UBR2: variants seen among roughly 807,000 people sequenced by gnomAD.
UBR2 encodes ubiquitin protein ligase E3 component n-recognin 2.
In UBR2, 92 loss-of-function variants were observed where a neutral mutation model predicts 247.9. The observed-to-expected ratio is 0.37, with a 90% CI of 0.31 to 0.44. The LOEUF (loss-of-function observed/expected upper bound fraction) is 0.44. UBR2 is among the 20% of genes least tolerant of loss of function. The pLI, the probability that UBR2 is intolerant of heterozygous loss-of-function variation, is 1.00. For missense variants in UBR2, 1,613 were observed against 2,112.6 expected (o/e 0.76, Z 4.64); for synonymous variants, 672 against 693.5 (o/e 0.97, Z 0.49).
chr6:42,564,536 T>A, intron 1 of UBR2, 139 bp downstream of exon 1: 1 of 977,828 alleles, frequency 1.0e-6, no homozygotes. Context: ...TGTGGGGTAA[T>A]AGCCCGGGGA....
chr6:42,637,108 T>C lies in UBR2; in HGVS notation c.1772T>C (p.Ile591Thr), dbSNP rs778717950. The change falls in exon 15 of 47, where the codon ATT becomes ACT. Residue 591 changes from isoleucine to threonine, a missense_variant. Ile to Thr is a moderately conservative substitution (Grantham distance 89, BLOSUM62 -1). Transcript: ENST00000372901. ...TDGEQPITLS[I>T]CGHSVETIRY... Reference sequence around the variant, plus strand: ...GGTGAACAGCCAATCACACTAAGCATTTGTGGACATTCAGTGGAAACTATC... The same window carrying C: ...GGTGAACAGCCAATCACACTAAGCACTTGTGGACATTCAGTGGAAACTATC... 6.2e-7 allele frequency: 1 copy of C among 1,614,152 alleles called. No homozygotes were observed. Among genetic ancestry groups the C allele is most frequent in the Non-Finnish European group, 8.5e-7 (1 of 1,180,018 alleles).
At chr6:42,564,459 C>T in intron 1 of UBR2, 62 bp downstream of exon 1, 1 of 1,556,928 alleles carries the variant, frequency 6.4e-7, no homozygotes, top group Non-Finnish European at 8.7e-7. Context: ...TGGGGAGGAA[C>T]CGACTCCTGG....
At chr6:42,637,368 A>C (rs772658351) in intron 15 of UBR2, among the ~76,000 whole-genome samples, 174 bp downstream of exon 15, 4 of 152,184 alleles carry the variant, frequency 2.6e-5, no homozygotes, top group Non-Finnish European at 5.9e-5. Context: ...AGCTTGCTTC[A>C]TAGATGGGAA....
intron 44 of UBR2, among the ~76,000 whole-genome samples, chr6:42,687,737 C>T (rs896274440): frequency 1.3e-5 from 2 of 152,056 alleles, no homozygotes; most frequent in African/African-American, 4.8e-5. Context: ...GACGGGGTTT[C>T]ACCATATTGG....
At chr6:42,569,739 C>T (rs1486095763) in intron 1 of UBR2, among the ~76,000 whole-genome samples, 1 of 152,206 alleles carries the variant, frequency 6.6e-6, no homozygotes, top group East Asian at 1.9e-4. Context: ...AAAAGGCTAA[C>T]TAACCTCTAG....
At chr6:42,589,682 G>A in intron 2 of UBR2, among the ~76,000 whole-genome samples, 1 of 152,170 alleles carries the variant, frequency 6.6e-6, no homozygotes, top group East Asian at 1.9e-4. Flanking sequence ...TTCTTTAATA[G>A]ATATAGGCCT....
chr6:42,592,363 C>T (rs1227667440), intron 3 of UBR2, 134 bp downstream of exon 3: 2 of 586,364 alleles, frequency 3.4e-6, no homozygotes, highest in Non-Finnish European at 5.4e-6. Context: ...TATTTAAATA[C>T]CATTGGATAT....
chr6:42,641,776 T>G (rs1281322869), intron 17 of UBR2, 84 bp downstream of exon 17: 1 of 1,062,780 alleles, frequency 9.4e-7, no homozygotes, highest in Non-Finnish European at 1.4e-6. Flanking sequence ...ACTTAGTCAG[T>G]GAAAGCTGAG....
At chr6:42,631,784 G>T (rs1795725591) in intron 11 of UBR2, among the ~76,000 whole-genome samples, 1 of 147,944 alleles carries the variant, frequency 6.8e-6, no homozygotes, top group Non-Finnish European at 1.5e-5. Flanking sequence ...ATACATACTT[G>T]TGTATACTTA....
At chr6:42,626,702 A>G (rs923148773) in intron 11 of UBR2, among the ~76,000 whole-genome samples, 1 of 152,154 alleles carries the variant, frequency 6.6e-6, no homozygotes, top group African/African-American at 2.4e-5. Context: ...GAGAGCCTGG[A>G]GTTCTTCCCT....
intron 11 of UBR2, among the ~76,000 whole-genome samples, chr6:42,621,517 C>T (rs550079696): frequency 9.9e-5 from 15 of 152,038 alleles, no homozygotes; most frequent in African/African-American, 2.9e-4. Flanking sequence ...GGCTGGAGTG[C>T]AATGGTGTGA....
rs1797681810 is a variant in UBR2 at position 42,659,588 on chromosome 6, TCTG to T, written c.3243-65_3243-63del. 7.6e-7 allele frequency: 1 copy of T among 1,310,818 alleles called. No individual in the cohort carries two copies. The highest frequency in any genetic ancestry group is 1.8e-4 in the Middle Eastern group (1 of 5,442). The allele number at this position is 1,310,818 out of a possible 1,614,324, so 81.2% of individuals were successfully genotyped here. Reference sequence around the variant, plus strand: ...TACACACACACACACATACCTGTAGTCTGCTATTTTGTGATTATATAGAAAGTT... The same window carrying T: ...TACACACACACACACATACCTGTAGTCTATTTTGTGATTATATAGAAAGTT... On this transcript the variant is annotated intron_variant, in intron 29 of 46. Coordinates refer to ENST00000372901, the MANE Select transcript of UBR2 (RefSeq NM_001363705.2). This position sits in a 1 kb window ranked among gnomAD's most constrained non-coding sequence, Gnocchi z 4.3.
rs779292085 is a variant in UBR2 at position 42,564,394 on chromosome 6, G to T, written c.75G>T (p.Ala25=). ...TGGAATGTTCGGCCGAGGAGATTGC[G>T]GGGGTGAGTGCCGGAACCCGGGCGG... ...SLLECSAEEI[A]GKWLQATDLT... is the part of the protein sequence containing the mutation. The change falls in exon 1 of 47, where the codon GCG becomes GCT. Residue 25 remains alanine, a synonymous_variant. Coordinates refer to ENST00000372901, the MANE Select transcript of UBR2 (RefSeq NM_001363705.2). 3.7e-6 allele frequency: 6 copies of T among 1,608,986 alleles called. No individual in the cohort carries two copies. In the African/African-American group the frequency reaches 6.7e-5, roughly 18 times the overall value.
At position 42,654,032 on chromosome 6, in the gene UBR2, A is replaced by C. The variant is rs1156745324; in HGVS notation, c.2769+1387A>C. Among the ~76,000 whole-genome samples the C allele has an allele frequency of 9.2e-5, 14 of 152,278 alleles. No homozygotes were observed. In the Middle Eastern group the frequency reaches 0.017, roughly 185 times the overall value. On this transcript the variant is annotated intron_variant, in intron 25 of 46. Transcript: ENST00000372901. ...TCAGAGGCGTTCCCTTAGGGTATAT[A>C]TTAATAGCTTGAAAGCAGTAAAACC...
chr6:42,584,717 A>G lies in UBR2; in HGVS notation c.339-7434A>G, dbSNP rs750064543. 5.8e-4 allele frequency among the ~76,000 whole-genome samples: 88 copies of G among 152,150 alleles called. 1 individual carries two copies. The highest frequency in any genetic ancestry group is 1.0e-3 in the Non-Finnish European group (70 of 68,012). On this transcript the variant is annotated intron_variant, in intron 2 of 46. Transcript: ENST00000372901. ...TTTAGCAAAGTCTTATAGTTTTTAT[A>G]TAGAAGTTGTACATGCCTTCTGTTA...
chr6:42,684,711 C>A, intron 43 of UBR2, 83 bp from the exon 44 acceptor site: 2 of 940,268 alleles, frequency 2.1e-6, no homozygotes, highest in South Asian at 3.4e-5. Flanking sequence ...CCGGGCTAGG[C>A]AGGTATGTGC....
intron 11 of UBR2, among the ~76,000 whole-genome samples, chr6:42,619,255 A>G (rs938924080): frequency 8.6e-5 from 13 of 151,350 alleles, no homozygotes; most frequent in African/African-American, 2.9e-4. Flanking sequence ...ACCACATTAG[A>G]ATTTTGACTG....
Position 42,637,131 on chromosome 6 carries a change from A to C in UBR2, c.1795A>C (p.Ile599Leu). 6.2e-7 allele frequency: 1 copy of C among 1,614,130 alleles called. No individual in the cohort carries two copies. The change falls in exon 15 of 47, where the codon ATC becomes CTC. Residue 599 changes from isoleucine to leucine, a missense_variant. By Grantham distance (5) the Ile-to-Leu change is conservative (BLOSUM62 2). Coordinates refer to ENST00000372901, the MANE Select transcript of UBR2 (RefSeq NM_001363705.2). The part of the protein sequence containing the change: ...LSICGHSVET[I>L]RYCVSQEKVS... ...CATTTGTGGACATTCAGTGGAAACT[A>C]TCAGATACTGTGTTTCCCAAGAAAA...
At chr6:42,576,633 G>A (rs1433302988) in intron 2 of UBR2, among the ~76,000 whole-genome samples, 1 of 148,670 alleles carries the variant, frequency 6.7e-6, no homozygotes, top group African/African-American at 2.5e-5. Context: ...GGATTCAAGT[G>A]ATTCTCCTGC....
Sources: gnomAD v4.1 joint callset for allele counts (sites outside exome capture counted in the v4.1 genomes callset) on GRCh38, gnomAD v4.1.1 for gene constraint, Gnocchi (gnomAD v3.1) non-coding constraint, MANE v1.5 for transcripts, NCBI Gene and HGNC (gene_info 2026-07-23, HGNC 2026-07-21) for gene names.